FANCD2: variants seen among roughly 807,000 people sequenced by gnomAD.
FANCD2 encodes the protein FA complementation group D2.
FANCD2 carries 131 observed loss-of-function variants against 192.3 expected under a neutral mutation model. That is an observed-to-expected ratio of 0.68 (90% CI 0.59 to 0.79). The LOEUF is 0.79. FANCD2 is among the 30% of genes least tolerant of loss of function. The probability of loss-of-function intolerance (pLI) is 0.00; values close to 1 mark genes in which losing one functional copy is unlikely to be tolerated. For synonymous variants in FANCD2, 524 were observed against 612.5 expected, an observed-to-expected ratio of 0.86 and a Z score of 2.13; for missense variants, 1,508 against 1,701.6, an observed-to-expected ratio of 0.89 and a Z score of 2.00.
Position 10,088,845 on chromosome 3 carries a change from CAG to C in FANCD2, c.3583_3584del (p.Ser1195HisfsTer21), listed in dbSNP as rs1413188626. 1.2e-6 allele frequency: 2 copies of C among 1,614,118 alleles called. No individual in the cohort carries two copies. Among genetic ancestry groups the C allele is most frequent in the Non-Finnish European group, 1.7e-6 (2 of 1,179,968 alleles). ...CAATGCAGTATCTACCTGGAGCACA[CAG>C]AGAGCATTCTGAAGGCCATAGAGGA... On this transcript the variant is annotated frameshift_variant, in exon 36 of 44. Transcript: ENST00000675286. LOFTEE classifies it high-confidence loss of function.
At position 10,081,240 on chromosome 3, in the gene FANCD2, A is replaced by G; in HGVS notation, c.3105+12A>G. On this transcript the variant is annotated intron_variant, in intron 31 of 43. Coordinates refer to ENST00000675286, the MANE Select transcript of FANCD2 (RefSeq NM_001018115.3). Reference sequence around the variant, plus strand: ...ACAACTATTTTCAGGTCAGAAGCCTAGACTTAGAAGCTGCTAAGCAAATAT... The same window carrying G: ...ACAACTATTTTCAGGTCAGAAGCCTGGACTTAGAAGCTGCTAAGCAAATAT... The G allele has an allele frequency of 2.5e-6, 4 of 1,614,112 alleles. No individual in the cohort carries two copies. The highest frequency in any genetic ancestry group is 2.5e-6 in the Non-Finnish European group (3 of 1,180,034).
intron 42 of FANCD2, among the ~76,000 whole-genome samples, chr3:10,097,405 G>A (rs751981960): frequency 6.6e-6 from 1 of 152,156 alleles, no homozygotes; most frequent in Non-Finnish European, 1.5e-5. Context: ...ACCCGGGGGG[G>A]CCCAGTTCAG....
At chr3:10,055,470 A>T (rs1199231711) in intron 18 of FANCD2, among the ~76,000 whole-genome samples, 1 of 152,120 alleles carries the variant, frequency 6.6e-6, no homozygotes, top group Non-Finnish European at 1.5e-5. Flanking sequence ...TTCAAGGTTC[A>T]TGTAGGTTGT....
intron 43 of FANCD2, 168 bp downstream of exon 43, chr3:10,098,983 A>C: frequency 6.2e-7 from 1 of 1,614,120 alleles, no homozygotes; most frequent in South Asian, 1.1e-5. Flanking sequence ...TTTGGGACCC[A>C]GAAGAAACAA....
chr3:10,077,052 G>A (rs1278096537), intron 29 of FANCD2, among the ~76,000 whole-genome samples: 1 of 151,836 alleles, frequency 6.6e-6, no homozygotes, highest in African/African-American at 2.4e-5. Context: ...AACACAGTGA[G>A]ACCTGTCTCT....
intron 18 of FANCD2, among the ~76,000 whole-genome samples, chr3:10,054,862 A>T (rs1183296744): frequency 6.6e-6 from 1 of 151,926 alleles, no homozygotes; most frequent in Non-Finnish European, 1.5e-5. Context: ...TTAAAAAAAA[A>T]ACTTTTGGAC....
chr3:10,065,646 C>T (rs973023352), intron 24 of FANCD2, 152 bp downstream of exon 24: 1 of 722,914 alleles, frequency 1.4e-6, no homozygotes, highest in African/African-American at 1.8e-5. Context: ...CAAAATAGTA[C>T]ATACAGAATC....
In FANCD2 at chr3:10,043,570, C is replaced by A. The variant is rs1559375799; in HGVS notation, c.1076C>A (p.Thr359Asn). 2.5e-6 allele frequency: 4 copies of A among 1,612,832 alleles called. No individual in the cohort carries two copies. The highest frequency in any genetic ancestry group is 3.4e-6 in the Non-Finnish European group (4 of 1,178,886). The change falls in exon 13 of 44, where the codon ACC becomes AAC. Residue 359 changes from threonine (T) to asparagine (N), a missense_variant. Coordinates refer to ENST00000675286, the MANE Select transcript of FANCD2 (RefSeq NM_001018115.3). ...VIKSAIRYEK[T>N]ISEAWIKAIE... The stretch of plus-strand genomic sequence containing the variant: ...AAGTCAGCTATTAGATATGAGAAAA[C>A]CATTTCAGAAGCCTGGATTAAGGTG...
In FANCD2 at chr3:10,039,709, C is replaced by T. The variant is rs2124984962; in HGVS notation, c.571-12C>T. The T allele has an allele frequency of 6.2e-7, 1 of 1,613,944 alleles. No homozygotes were observed. Among genetic ancestry groups the T allele is most frequent in the Non-Finnish European group, 8.5e-7 (1 of 1,179,964 alleles). On this transcript the variant is annotated splice_polypyrimidine_tract_variant and intron_variant, in intron 8 of 43. Coordinates refer to ENST00000675286, the MANE Select transcript of FANCD2 (RefSeq NM_001018115.3). Reference sequence around the variant, plus strand: ...TAATGTGCTGCAGTTCTAATAGTGTCTTCTACTGCAGGACCTCACCACCAA... The same window carrying T: ...TAATGTGCTGCAGTTCTAATAGTGTTTTCTACTGCAGGACCTCACCACCAA...
At chr3:10,039,579 T>C (rs2086812545) in intron 8 of FANCD2, 142 bp from the exon 9 acceptor site, 1 of 973,454 alleles carries the variant, frequency 1.0e-6, no homozygotes, top group African/African-American at 1.7e-5. Context: ...AAATTAAATA[T>C]TTGGGAAGAT....
chr3:10,030,682 CT>C (rs2086569870), intron 2 of FANCD2, among the ~76,000 whole-genome samples: 1 of 151,068 alleles, frequency 6.6e-6, no homozygotes. Flanking sequence ...GGCAGATCAC[CT>C]GAGGTCAGGA....
At chr3:10,084,899 A>C (rs1239328294) in intron 32 of FANCD2, among the ~76,000 whole-genome samples, 2 of 152,240 alleles carry the variant, frequency 1.3e-5, no homozygotes, top group Non-Finnish European at 2.9e-5. Context: ...CACTTCTGGC[A>C]GCAGAGTGCA....
intron 40 of FANCD2, 122 bp downstream of exon 40, chr3:10,094,485 G>A (rs1441374423): frequency 1.3e-5 from 11 of 848,048 alleles, no homozygotes; most frequent in Non-Finnish European, 2.2e-5. Context: ...CACTTCAGCT[G>A]TAGCCAGAGA....
At chr3:10,039,601 G>A (rs1400484909) in intron 8 of FANCD2, 120 bp from the exon 9 acceptor site, 1 of 1,147,480 alleles carries the variant, frequency 8.7e-7, no homozygotes, top group Non-Finnish European at 1.3e-6. Flanking sequence ...CTTTTTCAAA[G>A]TACAGAGATA....
rs776116877 is a variant in FANCD2 at position 10,065,400 on chromosome 3, G to A, written c.2175G>A (p.Val725=). ...VTSQESGQKL[V]SPLCLAPYFR... ...ATTTATTTCTCCTTCTCAGATTGGT[G>A]TCTCCGCTGTGCCTGGCTCCGTATT... The change falls in exon 24 of 44, where the codon GTG becomes GTA. Residue 725 remains valine, a synonymous_variant. Transcript: ENST00000675286. 5.0e-6 allele frequency: 8 copies of A among 1,611,324 alleles called. No individual in the cohort carries two copies. In the East Asian group the frequency reaches 1.6e-4, roughly 31 times the overall value.
At chr3:10,065,372 G>A in intron 23 of FANCD2, 22 bp from the exon 24 acceptor site, 1 of 1,541,722 alleles carries the variant, frequency 6.5e-7, no homozygotes, top group Non-Finnish European at 9.0e-7. Context: ...GTGTGGTCTA[G>A]AAATTTATTT....
At position 10,048,055 on chromosome 3, in the gene FANCD2, T is replaced by G; in HGVS notation, c.1413+4T>G. ...TTTTGACACGTACTGCCAGCAGGTA[T>G]GTTGAAACATTTATTTTGGCAAGGA... On this transcript the variant is annotated splice_donor_region_variant and intron_variant, in intron 16 of 43. Transcript: ENST00000675286. 6.2e-7 allele frequency: 1 copy of G among 1,614,246 alleles called. No individual in the cohort carries two copies. Among genetic ancestry groups the G allele is most frequent in the South Asian group, 1.1e-5 (1 of 91,086 alleles).
chr3:10,048,226 A>G (rs1559379099), intron 16 of FANCD2, among the ~76,000 whole-genome samples, 175 bp downstream of exon 16: 1 of 152,286 alleles, frequency 6.6e-6, no homozygotes, highest in Non-Finnish European at 1.5e-5. Flanking sequence ...TGGTGGCTCT[A>G]ACTCTGTGTT....
intron 36 of FANCD2, 101 bp downstream of exon 36, chr3:10,089,051 G>A: frequency 7.5e-7 from 1 of 1,325,744 alleles, no homozygotes; most frequent in South Asian, 1.2e-5. Context: ...GGGAGGCTGA[G>A]GCAGGAGGAT....
Sources: allele counts gnomAD v4.1 joint callset (sites outside exome capture counted in the v4.1 genomes callset), GRCh38; gene constraint gnomAD v4.1.1; transcripts MANE v1.5; gene names NCBI Gene and HGNC (gene_info 2026-07-23, HGNC 2026-07-21).